The following TXNDC11 variants were observed in gnomAD, a reference collection of about 807,000 sequenced individuals.
TXNDC11 encodes thioredoxin domain containing 11, also known as thioredoxin domain-containing protein 11.
A neutral mutation model predicts 78.0 loss-of-function variants in TXNDC11; 68 were observed. The observed-to-expected ratio is 0.87, with a 90% CI of 0.72 to 1.07. The LOEUF (loss-of-function observed/expected upper bound fraction) is 1.07. TXNDC11 is among the 50% of genes least tolerant of loss of function. TXNDC11 has a pLI of 0.00. For missense variants in TXNDC11, 1,389 were observed against 1,221.8 expected (o/e 1.14, Z -2.04); for synonymous variants, 571 against 495.2 (o/e 1.15, Z -2.03).
At chr16:11,682,089 C>T (rs2050438762) in intron 11 of TXNDC11, among the ~76,000 whole-genome samples, 1 of 152,192 alleles carries the variant, frequency 6.6e-6, no homozygotes, top group Non-Finnish European at 1.5e-5. Flanking sequence ...ATTCTTTTCA[C>T]TAAAAATAGC....
chr16:11,682,604 A>C (rs1377576465), intron 11 of TXNDC11, among the ~76,000 whole-genome samples: 3 of 152,176 alleles, frequency 2.0e-5, no homozygotes, highest in Admixed American at 1.3e-4. Flanking sequence ...GCTGGGTGCT[A>C]AGATTTTCAT....
At chr16:11,742,426 G>A (rs1317235740) in intron 1 of TXNDC11, 51 bp downstream of exon 1, 2 of 1,327,824 alleles carry the variant, frequency 1.5e-6, no homozygotes, top group African/African-American at 1.5e-5. Flanking sequence ...GCTCCAGGCG[G>A]CAGAGCAAGG....
At chr16:11,707,106 G>T (rs1362028063) in intron 5 of TXNDC11, among the ~76,000 whole-genome samples, 2 of 152,106 alleles carry the variant, frequency 1.3e-5, no homozygotes, top group Non-Finnish European at 2.9e-5. Flanking sequence ...AGTATCATAT[G>T]ACTTAAATTT....
intron 10 of TXNDC11, among the ~76,000 whole-genome samples, chr16:11,684,770 A>C (rs1318003824): frequency 6.6e-6 from 1 of 152,190 alleles, no homozygotes; most frequent in Non-Finnish European, 1.5e-5. Context: ...TCACTGTGGG[A>C]GCTAACCGCA....
At chr16:11,697,530 C>G (rs570070502) in intron 7 of TXNDC11, among the ~76,000 whole-genome samples, 2 of 152,226 alleles carry the variant, frequency 1.3e-5, no homozygotes, top group Admixed American at 6.5e-5. Context: ...AATAAACTCA[C>G]GCCCAGAGCA....
chr16:11,734,080 C>G lies in TXNDC11; in HGVS notation c.472-1G>C. The G allele has an allele frequency of 6.3e-7, 1 of 1,586,136 alleles. No homozygotes were observed. Among genetic ancestry groups the G allele is most frequent in the Non-Finnish European group, 8.5e-7 (1 of 1,171,360 alleles). ...AACAGTTAATTGCCACAAACAACAC[C>G]TGCAGAGCCAAAAAAGGTTTTCAAA... On this transcript the variant is annotated splice_acceptor_variant, in intron 2 of 11. Transcript: ENST00000283033. LOFTEE classifies it high-confidence loss of function.
At chr16:11,731,893 A>G (rs138628106) in intron 3 of TXNDC11, among the ~76,000 whole-genome samples, 213 of 152,312 alleles carry the variant, frequency 1.4e-3, no homozygotes, top group Non-Finnish European at 2.6e-3. Flanking sequence ...CACCACCACC[A>G]ACCCCATCAA....
intron 7 of TXNDC11, among the ~76,000 whole-genome samples, chr16:11,694,869 G>A (rs2050818252): frequency 6.6e-6 from 1 of 152,186 alleles, no homozygotes; most frequent in Non-Finnish European, 1.5e-5. Context: ...CACATTCTGT[G>A]TATCACTTGA....
chr16:11,742,253 G>C (rs1471388201), intron 1 of TXNDC11: 7 of 439,544 alleles, frequency 1.6e-5, no homozygotes, highest in Admixed American at 8.9e-5. Context: ...CGGGACGATA[G>C]GGCGCAGGGC....
chr16:11,732,864 A>C (rs1487823608), intron 3 of TXNDC11, among the ~76,000 whole-genome samples: 1 of 152,208 alleles, frequency 6.6e-6, no homozygotes, highest in Non-Finnish European at 1.5e-5. Context: ...CAAGAACTTT[A>C]GAAGGAAAAA....
intron 1 of TXNDC11, among the ~76,000 whole-genome samples, chr16:11,737,996 A>C (rs2052277347): frequency 6.6e-6 from 1 of 152,234 alleles, no homozygotes; most frequent in Non-Finnish European, 1.5e-5. Flanking sequence ...AAGGATGGGA[A>C]AAGAAAAACT....
intron 3 of TXNDC11, among the ~76,000 whole-genome samples, chr16:11,732,213 A>G (rs1318859896): frequency 1.3e-5 from 2 of 152,224 alleles, no homozygotes; most frequent in East Asian, 3.8e-4. Context: ...TAAGCAAGCA[A>G]ATAGTATATA....
At chr16:11,736,438 C>A (rs2052223206) in intron 1 of TXNDC11, among the ~76,000 whole-genome samples, 1 of 152,176 alleles carries the variant, frequency 6.6e-6, no homozygotes, top group Non-Finnish European at 1.5e-5. Flanking sequence ...GAGATTCTGT[C>A]CCCTAGGTGT....
At chr16:11,710,153 A>G (rs984791440) in intron 5 of TXNDC11, among the ~76,000 whole-genome samples, 10 of 152,190 alleles carry the variant, frequency 6.6e-5, no homozygotes, top group Admixed American at 4.6e-4. Context: ...AAAAGAAAAA[A>G]TAAAATGATC....
At chr16:11,695,954 G>A (rs773144526) in intron 7 of TXNDC11, among the ~76,000 whole-genome samples, 10 of 151,432 alleles carry the variant, frequency 6.6e-5, no homozygotes, top group Admixed American at 2.0e-4. Flanking sequence ...AGGATCACCC[G>A]AGCTCAGGAG....
At chr16:11,710,721 G>A (rs1274047041) in intron 5 of TXNDC11, among the ~76,000 whole-genome samples, 2 of 152,206 alleles carry the variant, frequency 1.3e-5, no homozygotes, top group Non-Finnish European at 2.9e-5. Flanking sequence ...TGAGCCTGCA[G>A]GAAGATCACC....
At chr16:11,692,793 G>C (rs2050757138) in intron 7 of TXNDC11, among the ~76,000 whole-genome samples, 2 of 152,120 alleles carry the variant, frequency 1.3e-5, no homozygotes, top group Non-Finnish European at 2.9e-5. Context: ...CTGCCCATGA[G>C]ATAAAACCTC....
intron 10 of TXNDC11, among the ~76,000 whole-genome samples, chr16:11,684,952 A>T (rs904247215): frequency 1.3e-4 from 20 of 152,374 alleles, no homozygotes; most frequent in African/African-American, 1.9e-4. Flanking sequence ...CACACAAAAG[A>T]TGAACATGTT....
chr16:11,716,291 G>A (rs979520661), intron 5 of TXNDC11, among the ~76,000 whole-genome samples: 2 of 152,234 alleles, frequency 1.3e-5, no homozygotes, highest in African/African-American at 4.8e-5. Flanking sequence ...TTATAGCAGA[G>A]TATGACAAAA....
Sources: allele counts gnomAD v4.1 joint callset (sites outside exome capture counted in the v4.1 genomes callset), GRCh38; gene constraint gnomAD v4.1.1; transcripts MANE v1.5; gene names NCBI Gene and HGNC (gene_info 2026-07-23, HGNC 2026-07-21).